MBD5: variants seen among roughly 807,000 people sequenced by gnomAD.
MBD5 encodes methyl-CpG-binding domain protein 5.
MBD5 carries 13 observed loss-of-function variants against 117.3 expected under a neutral mutation model. The ratio of observed to expected loss-of-function variants is 0.11; its 90% CI spans 0.07 to 0.18. MBD5 has a LOEUF of 0.18. MBD5 is among the 10% of genes least tolerant of loss of function. The pLI is 1.00. For missense variants in MBD5, 1,879 were observed against 2,093.8 expected (o/e 0.90, Z 2.00); for synonymous variants, 727 against 766.4 (o/e 0.95, Z 0.85).
rs113439336 is a variant in MBD5, at chr2:148,421,124, G to A, written c.-556-37079G>A. Among the ~76,000 whole-genome samples, 452 of 152,264 alleles carry A rather than the reference G, an allele frequency of 3.0e-3. 3 individuals are homozygous for A. The highest frequency in any genetic ancestry group is 0.01 in the African/African-American group (434 of 41,566). On this transcript the variant is annotated intron_variant, in intron 4 of 13. Coordinates refer to ENST00000642680, the MANE Select transcript of MBD5 (RefSeq NM_001378120.1). ...TGCCGTTTAATACTGCCTGTGAGAG[G>A]TCTAATCTCAAGATGGCTGAACAGG...
chr2:148,496,444 G>C (rs562657115), intron 11 of MBD5, among the ~76,000 whole-genome samples: 5 of 152,194 alleles, frequency 3.3e-5, no homozygotes, highest in African/African-American at 1.2e-4. Context: ...CTTTTTTCCT[G>C]AGCCAGATTA....
intron 1 of MBD5, among the ~76,000 whole-genome samples, chr2:148,088,841 G>A (rs887770067): frequency 3.3e-5 from 5 of 152,008 alleles, no homozygotes; most frequent in African/African-American, 1.2e-4. Context: ...GTATGATGAA[G>A]TACCTCAAAT....
chr2:148,463,249 G>T (rs890352766), intron 6 of MBD5, among the ~76,000 whole-genome samples: 1 of 152,024 alleles, frequency 6.6e-6, no homozygotes, highest in Non-Finnish European at 1.5e-5. Context: ...CTTTTCATTT[G>T]TGTGTCACCG....
chr2:148,026,825 A>G (rs1301041125), intron 1 of MBD5: 1 of 152,324 alleles, frequency 6.6e-6, no homozygotes, highest in Non-Finnish European at 1.5e-5. Context: ...AGGAGGCTGG[A>G]GAGGATCTCT....
At chr2:148,241,067 T>C (rs1574181234) in intron 3 of MBD5, among the ~76,000 whole-genome samples, 1 of 152,130 alleles carries the variant, frequency 6.6e-6, no homozygotes, top group South Asian at 2.1e-4. Context: ...TATTGGCTGC[T>C]CTTTCTGTGG....
In MBD5 at chr2:148,065,219, G is replaced by T. The variant is rs545805784; in HGVS notation, c.-925+43535G>T. 2.0e-5 allele frequency among the ~76,000 whole-genome samples: 3 copies of T among 152,262 alleles called. No individual in the cohort carries two copies. The East Asian group carries it at 5.8e-4, about 29-fold the overall frequency. On this transcript the variant is annotated intron_variant, in intron 1 of 13. Transcript: ENST00000642680. Reference sequence around the variant, plus strand: ...GGCAGACCATTTCTGCTTTCCTCTGGACCATGTATCAAGAGGGACCTAGCA... The same window carrying T: ...GGCAGACCATTTCTGCTTTCCTCTGTACCATGTATCAAGAGGGACCTAGCA...
At chr2:148,503,319 C>A (rs1681927630) in intron 12 of MBD5, among the ~76,000 whole-genome samples, 1 of 152,092 alleles carries the variant, frequency 6.6e-6, no homozygotes, top group African/African-American at 2.4e-5. Flanking sequence ...TCACATTTCC[C>A]CCCAAATATT....
chr2:148,267,624 G>A (rs116051478), intron 3 of MBD5, among the ~76,000 whole-genome samples: 2,128 of 152,094 alleles, frequency 0.014, 58 homozygotes, highest in African/African-American at 0.049. Context: ...AAATCAATGT[G>A]TTCATATGAA....
chr2:148,070,197 G>A (rs1299679429), intron 1 of MBD5, among the ~76,000 whole-genome samples: 1 of 152,130 alleles, frequency 6.6e-6, no homozygotes, highest in African/African-American at 2.4e-5. Context: ...CTGAGAGCAT[G>A]TCATGTTTCT....
At chr2:148,331,575 A>G (rs1408120199) in intron 3 of MBD5, among the ~76,000 whole-genome samples, 1 of 152,196 alleles carries the variant, frequency 6.6e-6, no homozygotes, top group Non-Finnish European at 1.5e-5. Context: ...GTCAATACTT[A>G]AAGTGTATAC....
chr2:148,511,272 C>T (rs143731848), intron 13 of MBD5, among the ~76,000 whole-genome samples: 172 of 152,326 alleles, frequency 1.1e-3, no homozygotes, highest in African/African-American at 3.9e-3. Flanking sequence ...TTCCACTGAC[C>T]TGACCTAATC....
chr2:148,253,368 A>G lies in MBD5; in HGVS notation c.-680+19973A>G, dbSNP rs1700509767. ...GGGAAATATATAGCTCTTACAATCC[A>G]GGGACATCAAGTATGATAATGGAGA... On this transcript the variant is annotated intron_variant, in intron 3 of 13. Transcript: ENST00000642680. 2.0e-5 allele frequency among the ~76,000 whole-genome samples: 3 copies of G among 152,340 alleles called. 1 individual carries two copies. In the South Asian group the frequency reaches 6.2e-4, roughly 32 times the overall value.
Position 148,470,049 on chromosome 2 carries a change from T to G in MBD5, c.2106T>G (p.Ser702=). 4 of 1,613,884 alleles carry G rather than the reference T, an allele frequency of 2.5e-6. No homozygotes were observed. Among genetic ancestry groups the G allele is most frequent in the Non-Finnish European group, 2.5e-6 (3 of 1,179,886 alleles). ...GQGSFPISSM[S]QLLQSMSCQS... ...GTTCATTTCCCATCAGTTCAATGTC[T>G]CAGTTACTACAGTCTATGAGTTGTC... Residue 702 remains serine, a synonymous_variant, in exon 8 of 14, where the codon TCT becomes TCG. Transcript: ENST00000642680.
intron 1 of MBD5, among the ~76,000 whole-genome samples, chr2:148,151,410 G>T (rs1346318938): frequency 6.6e-6 from 1 of 151,916 alleles, no homozygotes; most frequent in East Asian, 1.9e-4. Flanking sequence ...TCTCTTTTTT[G>T]GTTGTGTCTC....
chr2:148,052,430 G>A (rs563388227), intron 1 of MBD5, among the ~76,000 whole-genome samples: 1 of 151,944 alleles, frequency 6.6e-6, no homozygotes, highest in South Asian at 2.1e-4. Flanking sequence ...GGCTGGTCTC[G>A]AACTCTCGAT....
chr2:148,243,369 A>G (rs1319276760), intron 3 of MBD5, among the ~76,000 whole-genome samples: 2 of 152,122 alleles, frequency 1.3e-5, no homozygotes, highest in Non-Finnish European at 1.5e-5. Flanking sequence ...TTTTATCTCT[A>G]TGCAATCACA....
chr2:148,177,333 C>G (rs1698415635), intron 1 of MBD5, among the ~76,000 whole-genome samples: 2 of 152,130 alleles, frequency 1.3e-5, no homozygotes, highest in African/African-American at 4.8e-5. Flanking sequence ...CTGCCTCAGC[C>G]TAGTTCTGAA....
At chr2:148,238,755 A>G (rs1700145024) in intron 3 of MBD5, among the ~76,000 whole-genome samples, 1 of 152,066 alleles carries the variant, frequency 6.6e-6, no homozygotes, top group Non-Finnish European at 1.5e-5. Context: ...TTGGCATTCC[A>G]TGGCTTGTAG....
chr2:148,021,477 G>GCTGTTGCTGCTGCTGCTGCTA lies in MBD5; in HGVS notation c.-1128_-1108dup. On this transcript the variant is annotated 5_prime_UTR_variant, in exon 1 of 14. Transcript: ENST00000642680. ...TGCTGCTGCTGTTGCTGCTGCTGCT[G>GCTGTTGCTGCTGCTGCTGCTA]CTGTTGCTGCTGCTGCTGCTACTGC... 1.7e-6 allele frequency: 1 copy of GCTGTTGCTGCTGCTGCTGCTA among 578,714 alleles called. No homozygotes were observed. Among genetic ancestry groups the GCTGTTGCTGCTGCTGCTGCTA allele is most frequent in the Non-Finnish European group, 3.3e-6 (1 of 300,528 alleles). 35.8% of individuals were successfully genotyped at this position (578,714 alleles called of 1,614,324 possible). A position where few individuals can be genotyped will look rare whatever the true frequency, so the allele number is the denominator to read the frequency against.
Sources: gnomAD v4.1 joint callset for allele counts (sites outside exome capture counted in the v4.1 genomes callset) on GRCh38, gnomAD v4.1.1 for gene constraint, MANE v1.5 for transcripts, NCBI Gene and HGNC (gene_info 2026-07-23, HGNC 2026-07-21) for gene names.